The following SRFBP1 variants were observed in gnomAD, a reference collection of about 807,000 sequenced individuals.
SRFBP1 encodes serum response factor binding protein 1.
In SRFBP1, 47 loss-of-function variants were observed where a neutral mutation model predicts 45.5. That is an observed-to-expected ratio of 1.03 (90% CI 0.82 to 1.32). The LOEUF (loss-of-function observed/expected upper bound fraction) is 1.32, where lower values mean the gene tolerates loss of function less well. Ranked by LOEUF, SRFBP1 falls within the 40% of genes most tolerant of loss-of-function variation. SRFBP1 has a pLI of 0.00. For missense variants in SRFBP1, 621 were observed against 484.6 expected (o/e 1.28, Z -2.64); for synonymous variants, 203 against 166.3 (o/e 1.22, Z -1.70).
chr5:122,017,098 G>A (rs758094298), intron 4 of SRFBP1, among the ~76,000 whole-genome samples: 3 of 152,048 alleles, frequency 2.0e-5, no homozygotes, highest in Non-Finnish European at 4.4e-5. Flanking sequence ...GCGTGGTGGC[G>A]GGTGCCTGTA....
At chr5:122,029,136 T>G (rs1753551796), downstream of SRFBP1, among the ~76,000 whole-genome samples, 1 of 149,652 alleles carries the variant, frequency 6.7e-6, no homozygotes, top group African/African-American at 2.5e-5. Context: ...GGGTTGGGGG[T>G]GGGAGGGGGC....
rs1751952881 is a variant in SRFBP1 at position 121,962,017 on chromosome 5, T to C, written c.-16T>C. The C allele has an allele frequency of 2.0e-6, 3 of 1,483,882 alleles. No individual in the cohort carries two copies. Among genetic ancestry groups the C allele is most frequent in the East Asian group, 2.2e-5 (1 of 44,830 alleles). 91.9% of individuals were successfully genotyped at this position (1,483,882 alleles called of 1,614,324 possible). A position where few individuals can be genotyped will look rare whatever the true frequency, so the allele number is the denominator to read the frequency against. ...TTCACGTGCAGGCAGCGGCGGATCA[T>C]ATTCCTTCATCTACCATGGCTCAGC... On this transcript the variant is annotated 5_prime_UTR_variant, in exon 1 of 8. Coordinates refer to ENST00000339397, the MANE Select transcript of SRFBP1 (RefSeq NM_152546.3).
At position 122,014,104 on chromosome 5, in the gene SRFBP1, C is replaced by G. The variant is rs552952253; in HGVS notation, c.271-5156C>G. Among the ~76,000 whole-genome samples the G allele has an allele frequency of 2.0e-5, 3 of 152,224 alleles. No homozygotes were observed. The East Asian group carries it at 5.8e-4, about 29-fold the overall frequency. ...TGGTAATTACTCTGATTTGATGATTCTACAATGTATGCATGTGTCAATATC... is the reference window on the plus strand; with the variant it reads ...TGGTAATTACTCTGATTTGATGATTGTACAATGTATGCATGTGTCAATATC... On this transcript the variant is annotated intron_variant, in intron 4 of 7. Coordinates refer to ENST00000339397, the MANE Select transcript of SRFBP1 (RefSeq NM_152546.3).
At chr5:121,964,419 A>G (rs1375728008) in intron 1 of SRFBP1, among the ~76,000 whole-genome samples, 7 of 151,984 alleles carry the variant, frequency 4.6e-5, no homozygotes, top group African/African-American at 1.7e-4. Context: ...GTTCAACTCA[A>G]ACTTATGAGT....
chr5:122,010,629 C>T (rs1753073411), intron 4 of SRFBP1, among the ~76,000 whole-genome samples: 1 of 138,906 alleles, frequency 7.2e-6, no homozygotes. Context: ...GGCTTTATCA[C>T]TTACACTTAA....
chr5:122,055,328 C>T (rs796353593), intron 2 of SRFBP1, among the ~76,000 whole-genome samples: 3 of 152,308 alleles, frequency 2.0e-5, no homozygotes, highest in Admixed American at 6.5e-5. Context: ...TTAATATCAT[C>T]ACCTTGGGAG....
At chr5:122,045,042 G>A (rs1753834071) in intron 2 of SRFBP1, among the ~76,000 whole-genome samples, 1 of 152,084 alleles carries the variant, frequency 6.6e-6, no homozygotes. Flanking sequence ...TGTATCTGGT[G>A]TAAGGTAGGG....
chr5:122,000,441 C>T (rs1390592094), intron 4 of SRFBP1, among the ~76,000 whole-genome samples: 2 of 151,880 alleles, frequency 1.3e-5, no homozygotes, highest in African/African-American at 2.4e-5. Context: ...ATTTGTTTTT[C>T]CTGAAGACTC....
chr5:122,074,556 T>A (rs1053541335), intron 2 of SRFBP1, among the ~76,000 whole-genome samples: 2 of 152,218 alleles, frequency 1.3e-5, no homozygotes, highest in Non-Finnish European at 2.9e-5. Context: ...CACATGACTT[T>A]TTCAAGGTTT....
chr5:121,977,719 C>G (rs1012607088), intron 3 of SRFBP1, among the ~76,000 whole-genome samples: 3 of 152,024 alleles, frequency 2.0e-5, no homozygotes, highest in Non-Finnish European at 4.4e-5. Context: ...GACATACTAT[C>G]CTATTCTTGC....
chr5:122,001,717 G>A (rs976342379), intron 4 of SRFBP1, among the ~76,000 whole-genome samples: 13 of 151,734 alleles, frequency 8.6e-5, no homozygotes, highest in South Asian at 6.2e-4. Flanking sequence ...GCCCGCCACC[G>A]TGCCCGGCTA....
At chr5:122,008,954 C>T (rs1041061018) in intron 4 of SRFBP1, among the ~76,000 whole-genome samples, 3 of 152,014 alleles carry the variant, frequency 2.0e-5, no homozygotes, top group Non-Finnish European at 4.4e-5. Flanking sequence ...AGATAAAGAC[C>T]AAATATATAT....
intron 2 of SRFBP1, among the ~76,000 whole-genome samples, chr5:122,074,745 C>A (rs1372515289): frequency 6.6e-6 from 1 of 152,086 alleles, no homozygotes; most frequent in Non-Finnish European, 1.5e-5. Context: ...TTTGTTATTT[C>A]ATTAAATGGA....
chr5:122,009,735 A>G (rs915267953), intron 4 of SRFBP1, among the ~76,000 whole-genome samples: 2 of 152,224 alleles, frequency 1.3e-5, no homozygotes, highest in South Asian at 2.1e-4. Flanking sequence ...TCTATCTACT[A>G]TTCTTGCAAG....
intron 2 of SRFBP1, among the ~76,000 whole-genome samples, chr5:122,044,925 C>T (rs1416778748): frequency 6.6e-6 from 1 of 152,026 alleles, no homozygotes; most frequent in Non-Finnish European, 1.5e-5. Flanking sequence ...TGTCATGAAA[C>T]CTTTGCCAAG....
intron 2 of SRFBP1, among the ~76,000 whole-genome samples, chr5:122,040,546 C>T (rs977807497): frequency 5.9e-5 from 9 of 152,092 alleles, no homozygotes; most frequent in African/African-American, 1.7e-4. Flanking sequence ...TCAACGACTA[C>T]GGTATGAATA....
intron 3 of SRFBP1, among the ~76,000 whole-genome samples, chr5:121,992,986 C>G (rs747955194): frequency 5.3e-5 from 8 of 151,996 alleles, no homozygotes; most frequent in Non-Finnish European, 1.0e-4. Flanking sequence ...TGTCTTCTAC[C>G]GACATCTGTG....
At chr5:122,038,848 C>T (rs1753730757) in intron 2 of SRFBP1, among the ~76,000 whole-genome samples, 1 of 152,126 alleles carries the variant, frequency 6.6e-6, no homozygotes, top group African/African-American at 2.4e-5. Flanking sequence ...AATGTTCTAT[C>T]ATTAAACGTA....
chr5:122,032,207 G>A (rs550567080), downstream of SRFBP1, among the ~76,000 whole-genome samples: 1 of 151,490 alleles, frequency 6.6e-6, no homozygotes, highest in African/African-American at 2.4e-5. Flanking sequence ...GAAATGTAGT[G>A]AAATTTATAT....
Sources: allele counts gnomAD v4.1 joint callset (sites outside exome capture counted in the v4.1 genomes callset), GRCh38; gene constraint gnomAD v4.1.1; transcripts MANE v1.5; gene names NCBI Gene and HGNC (gene_info 2026-07-23, HGNC 2026-07-21).